DGKI: variants seen among roughly 807,000 people sequenced by gnomAD.
The protein encoded by DGKI is DAG kinase iota.
In DGKI, 55 loss-of-function variants were observed where a neutral mutation model predicts 147.5. The ratio of observed to expected loss-of-function variants is 0.37; its 90% CI spans 0.30 to 0.47. DGKI has a LOEUF of 0.47. DGKI is among the 20% of genes least tolerant of loss of function. The pLI is 1.00. For missense variants in DGKI, 1,007 were observed against 1,323.8 expected, an observed-to-expected ratio of 0.76 and a Z score of 3.71; for synonymous variants, 469 against 477.1, an observed-to-expected ratio of 0.98 and a Z score of 0.22.
intron 20 of DGKI, among the ~76,000 whole-genome samples, chr7:137,523,070 A>G (rs1444331293): frequency 1.3e-5 from 2 of 152,208 alleles, no homozygotes; most frequent in East Asian, 1.9e-4. Flanking sequence ...AGAAAAAAAG[A>G]AAGAGAAAGA....
chr7:137,815,681 G>A (rs971081498), intron 1 of DGKI, among the ~76,000 whole-genome samples: 1 of 152,142 alleles, frequency 6.6e-6, no homozygotes, highest in African/African-American at 2.4e-5. Context: ...GGGCTTAGGT[G>A]ACACTCGTAG....
intron 28 of DGKI, among the ~76,000 whole-genome samples, chr7:137,435,479 T>C (rs528692116): frequency 1.2e-3 from 180 of 152,006 alleles, no homozygotes; most frequent in Non-Finnish European, 2.0e-3. Flanking sequence ...TATGGCTAAA[T>C]AAAGACAAGA....
At position 137,384,133 on chromosome 7, in the gene DGKI, A is replaced by AT. The variant is rs1303695180; in HGVS notation, c.*7086dup. 1 of 152,078 alleles carries AT rather than the reference A, an allele frequency of 6.6e-6. No individual in the cohort carries two copies. The highest frequency in any genetic ancestry group is 6.6e-5 in the Admixed American group (1 of 15,246). 9.4% of individuals were successfully genotyped at this position (152,078 alleles called of 1,614,324 possible). ...TTTTTTGTTGCAGCATTCAGAAATT[A>AT]TATCATCCTAATAGTGACTTCAAAG... On this transcript the variant is annotated 3_prime_UTR_variant, in exon 33 of 33. Transcript: ENST00000614521.
intron 27 of DGKI, among the ~76,000 whole-genome samples, chr7:137,448,091 G>C (rs543164468): frequency 6.6e-6 from 1 of 152,248 alleles, no homozygotes; most frequent in African/African-American, 2.4e-5. Flanking sequence ...ATTTTAGTCA[G>C]CTAAAGAGAT....
At chr7:137,646,031 G>A (rs1429926131) in intron 5 of DGKI, among the ~76,000 whole-genome samples, 2 of 152,180 alleles carry the variant, frequency 1.3e-5, no homozygotes, top group Non-Finnish European at 2.9e-5. Context: ...GCAGATTTGT[G>A]AACACAGTAG....
rs1227636406 is a variant in DGKI, at chr7:137,385,175, C to T, written c.*6045G>A. On this transcript the variant is annotated 3_prime_UTR_variant, in exon 33 of 33. Coordinates refer to ENST00000614521, the MANE Select transcript of DGKI (RefSeq NM_001321708.2). ...AATACTGATCAAAATTTATAAGCTT[C>T]CAGAAGTATTTTTAATTAAATTACA... The T allele has an allele frequency of 1.3e-5, 2 of 152,014 alleles. No individual in the cohort carries two copies. The highest frequency in any genetic ancestry group is 3.9e-4 in the East Asian group (2 of 5,182). The allele number at this position is 152,014 out of a possible 1,614,324, so 9.4% of individuals were successfully genotyped here.
intron 1 of DGKI, among the ~76,000 whole-genome samples, chr7:137,807,833 A>G (rs528393896): frequency 9.9e-5 from 15 of 152,272 alleles, no homozygotes; most frequent in African/African-American, 3.6e-4. Context: ...GGACCAACCC[A>G]GAGTCAGCCC....
At chr7:137,572,929 T>C (rs1818842663) in intron 17 of DGKI, 91 bp from the exon 18 acceptor site, 4 of 860,192 alleles carry the variant, frequency 4.7e-6, no homozygotes, top group Non-Finnish European at 7.3e-6. Context: ...GTACACACCA[T>C]GGTCTCTTTC....
At chr7:137,520,368 T>C (rs576252285) in intron 21 of DGKI, among the ~76,000 whole-genome samples, 1 of 152,260 alleles carries the variant, frequency 6.6e-6, no homozygotes, top group East Asian at 1.9e-4. Flanking sequence ...TAGAACTCAA[T>C]TTAATTTGCA....
intron 21 of DGKI, among the ~76,000 whole-genome samples, chr7:137,501,029 C>T (rs371410896): frequency 1.1e-4 from 17 of 152,228 alleles, no homozygotes; most frequent in Non-Finnish European, 1.5e-4. Flanking sequence ...CTTACCCCTA[C>T]GCTTCCAAGT....
At chr7:137,474,203 T>A (rs928305776) in intron 23 of DGKI, among the ~76,000 whole-genome samples, 2 of 152,352 alleles carry the variant, frequency 1.3e-5, no homozygotes, top group Non-Finnish European at 2.9e-5. Flanking sequence ...TTAAAAATTC[T>A]ACATATATAA....
At chr7:137,594,898 G>A (rs1203009431) in intron 12 of DGKI, among the ~76,000 whole-genome samples, 1 of 152,148 alleles carries the variant, frequency 6.6e-6, no homozygotes, top group Admixed American at 6.5e-5. Flanking sequence ...GATAAGCAAA[G>A]TTTTGATTCT....
intron 3 of DGKI, among the ~76,000 whole-genome samples, chr7:137,665,585 T>G (rs927012832): frequency 6.6e-6 from 1 of 152,180 alleles, no homozygotes; most frequent in Non-Finnish European, 1.5e-5. Flanking sequence ...ATTCTGCATA[T>G]GAAGTGTTTA....
chr7:137,496,344 T>C (rs548337829), intron 21 of DGKI, among the ~76,000 whole-genome samples: 3 of 152,110 alleles, frequency 2.0e-5, no homozygotes, highest in Non-Finnish European at 4.4e-5. Context: ...TCCATGCTCA[T>C]GGATAGGAAG....
At chr7:137,546,022 G>C in intron 20 of DGKI, 2 of 692,548 alleles carry the variant, frequency 2.9e-6, no homozygotes, top group Non-Finnish European at 5.3e-6. Flanking sequence ...GACAGACAAG[G>C]AACAAGCCAG....
At chr7:137,791,770 G>A (rs545148787) in intron 1 of DGKI, among the ~76,000 whole-genome samples, 3 of 152,338 alleles carry the variant, frequency 2.0e-5, no homozygotes, top group African/African-American at 7.2e-5. Flanking sequence ...TTGCTTCAGA[G>A]AATATTTTAT....
intron 3 of DGKI, among the ~76,000 whole-genome samples, chr7:137,673,581 A>C (rs764285488): frequency 2.0e-5 from 3 of 152,220 alleles, no homozygotes; most frequent in Non-Finnish European, 2.9e-5. Context: ...AGGCAAAAAA[A>C]GGCAAAGTGA....
chr7:137,601,368 T>C (rs919899435), intron 10 of DGKI, among the ~76,000 whole-genome samples: 2 of 152,168 alleles, frequency 1.3e-5, no homozygotes, highest in African/African-American at 4.8e-5. Context: ...TTATCACCCA[T>C]AGCAAATAAT....
At chr7:137,437,459 T>C (rs1245371764) in intron 28 of DGKI, among the ~76,000 whole-genome samples, 2 of 152,120 alleles carry the variant, frequency 1.3e-5, no homozygotes, top group African/African-American at 2.4e-5. Context: ...ACCAAATCCT[T>C]CATGAAGGAA....
Sources: gnomAD v4.1 joint callset for allele counts (sites outside exome capture counted in the v4.1 genomes callset) on GRCh38, gnomAD v4.1.1 for gene constraint, MANE v1.5 for transcripts, NCBI Gene and HGNC (gene_info 2026-07-23, HGNC 2026-07-21) for gene names.